ACACA: variants seen among roughly 807,000 people sequenced by gnomAD.
The protein encoded by ACACA is acetyl-CoA carboxylase alpha, also known as acetyl-CoA carboxylase 1.
ACACA carries 103 observed loss-of-function variants against 296.1 expected under a neutral mutation model. That is an observed-to-expected ratio of 0.35 (90% confidence interval 0.30 to 0.41). The LOEUF (loss-of-function observed/expected upper bound fraction) is 0.41. Among genes scored for constraint, ACACA ranks in the 10% least tolerant of loss-of-function variants. The probability of loss-of-function intolerance (pLI) is 1.00; values close to 1 mark genes in which losing one functional copy is unlikely to be tolerated. For synonymous variants in ACACA, 953 were observed against 1,038.6 expected (o/e 0.92, Z 1.58); for missense variants, 1,554 against 2,989.7 (o/e 0.52, Z 11.20).
At chr17:37,178,827 A>G (rs772044551) in intron 41 of ACACA, among the ~76,000 whole-genome samples, 7 of 152,108 alleles carry the variant, frequency 4.6e-5, no homozygotes, top group Non-Finnish European at 7.4e-5. Flanking sequence ...AAAAAAGAAA[A>G]TCCCCAAATT....
At position 37,252,028 on chromosome 17, in the gene ACACA, A is replaced by G; in HGVS notation, c.2058T>C (p.Ser686=). 6.2e-7 allele frequency: 1 copy of G among 1,614,172 alleles called. No individual in the cohort carries two copies. The highest frequency in any genetic ancestry group is 8.5e-7 in the Non-Finnish European group (1 of 1,179,978). Residue 686 remains serine, a synonymous_variant, in exon 16 of 56, where the codon TCT becomes TCC. Coordinates refer to ENST00000616317, the MANE Select transcript of ACACA (RefSeq NM_198834.3). ...ACCTTTCTAAGGAGTGAAGGAAGTT[A>G]GAGACGCTATTCCGCAGGCTCACAT... ...VADVSLRNSV[S]NFLHSLERGQ...
Position 37,399,947 on chromosome 17 carries a change from TACA to T in ACACA, c.38+6312_38+6314del, listed in dbSNP as rs543322221. 1.8e-4 allele frequency among the ~76,000 whole-genome samples: 27 copies of T among 152,278 alleles called. 1 individual carries two copies. In the South Asian group the frequency reaches 5.2e-3, roughly 29 times the overall value. On this transcript the variant is annotated intron_variant, in intron 1 of 55. Transcript: ENST00000616317. ...ATAAAAATTGTGTATATTCATGATG[TACA>T]ACATGTGTTGATAGATGTACTCATT...
intron 25 of ACACA, among the ~76,000 whole-genome samples, chr17:37,230,862 T>C (rs1440579075): frequency 6.6e-6 from 1 of 152,230 alleles, no homozygotes; most frequent in Non-Finnish European, 1.5e-5. Flanking sequence ...AACCTGCTGA[T>C]TTTGGGATTA....
At chr17:37,248,534 C>A (rs1319731872) in intron 17 of ACACA, 59 bp downstream of exon 17, 9 of 1,318,716 alleles carry the variant, frequency 6.8e-6, no homozygotes, top group Non-Finnish European at 9.9e-6. Flanking sequence ...TCCTGCCTCT[C>A]AACCTAAAGA....
intron 5 of ACACA, among the ~76,000 whole-genome samples, chr17:37,280,541 A>T (rs2082465635): frequency 6.6e-6 from 1 of 152,116 alleles, no homozygotes; most frequent in African/African-American, 2.4e-5. Context: ...ATAATCTCTT[A>T]ATCTTAAGGT....
chr17:37,107,134 C>T (rs2073734890), intron 52 of ACACA, among the ~76,000 whole-genome samples: 1 of 152,194 alleles, frequency 6.6e-6, no homozygotes, highest in South Asian at 2.1e-4. Context: ...GCCATAGTGT[C>T]AGTGAGGACA....
At chr17:37,276,147 T>G (rs188443393) in intron 7 of ACACA, 98 bp from the exon 8 acceptor site, 1 of 881,590 alleles carries the variant, frequency 1.1e-6, no homozygotes, top group South Asian at 1.3e-5. Flanking sequence ...TGTATTTGTC[T>G]TGTCCTCCCC....
chr17:37,266,508 A>T (rs1285694515), intron 10 of ACACA, among the ~76,000 whole-genome samples: 1 of 151,628 alleles, frequency 6.6e-6, no homozygotes, highest in South Asian at 2.1e-4. Flanking sequence ...TTTCTAGCTG[A>T]AAGGGTAATT....
intron 31 of ACACA, 109 bp downstream of exon 31, chr17:37,207,548 T>C (rs1487757451): frequency 6.0e-6 from 8 of 1,335,778 alleles, no homozygotes; most frequent in South Asian, 2.5e-5. Context: ...TCTTTTTAGC[T>C]GGCTCATGGC....
intron 44 of ACACA, among the ~76,000 whole-genome samples, chr17:37,150,579 C>A (rs1238082677): frequency 6.6e-6 from 1 of 151,592 alleles, no homozygotes; most frequent in Non-Finnish European, 1.5e-5. Flanking sequence ...ATAGTGAGAC[C>A]CCCATCACTA....
chr17:37,234,883 G>GC lies in ACACA; in HGVS notation c.3246+91_3246+92insG, dbSNP rs1555609565. ...CATCCCATAATTATAAAAGGCAGTA[G>GC]TTTTTTTTCTCTGGCCATAGCCATC... On this transcript the variant is annotated intron_variant, in intron 25 of 55. Transcript: ENST00000616317. The GC allele has an allele frequency of 1.4e-5, 20 of 1,425,972 alleles. No homozygotes were observed. The Admixed American group carries it at 2.6e-4, about 19-fold the overall frequency. 88.3% of individuals were successfully genotyped at this position (1,425,972 alleles called of 1,614,324 possible).
chr17:37,405,847 CG>C (rs977322292), intron 1 of ACACA, among the ~76,000 whole-genome samples: 2 of 126,620 alleles, frequency 1.6e-5, no homozygotes, highest in Non-Finnish European at 3.2e-5. Context: ...CCACCGCGCC[CG>C]GCAGGGCTTT....
At chr17:37,100,365 G>C (rs960653776) in intron 52 of ACACA, among the ~76,000 whole-genome samples, 2 of 152,062 alleles carry the variant, frequency 1.3e-5, no homozygotes, top group Non-Finnish European at 2.9e-5. Flanking sequence ...ATCACCAAGA[G>C]GACAGACTGA....
At chr17:37,386,012 T>A (rs1597772318) in intron 1 of ACACA, 2 of 1,580,170 alleles carry the variant, frequency 1.3e-6, no homozygotes, top group Non-Finnish European at 1.7e-6. Context: ...TTTATAGCTT[T>A]TTTACCAGGG....
chr17:37,118,788 G>A (rs1369105444), intron 50 of ACACA, among the ~76,000 whole-genome samples: 2 of 152,192 alleles, frequency 1.3e-5, no homozygotes. Flanking sequence ...TGCTTGTTGT[G>A]ATGATTATGT....
chr17:37,379,053 CAG>C (rs2050129178), intron 1 of ACACA: 2 of 1,449,132 alleles, frequency 1.4e-6, no homozygotes, highest in South Asian at 2.9e-5. Context: ...GCTTGGGTGA[CAG>C]AGCAAGGCAC....
At chr17:37,296,771 C>T (rs1211761628) in intron 3 of ACACA, among the ~76,000 whole-genome samples, 1 of 151,998 alleles carries the variant, frequency 6.6e-6, no homozygotes, top group Non-Finnish European at 1.5e-5. Context: ...GGCTGGAGTA[C>T]AGTAGCACAA....
At chr17:37,154,892 C>CAA (rs1333842675) in intron 43 of ACACA, among the ~76,000 whole-genome samples, 7 of 152,260 alleles carry the variant, frequency 4.6e-5, no homozygotes, top group African/African-American at 1.7e-4. Context: ...TAACAATTGC[C>CAA]ATTTTTATTC....
intron 29 of ACACA, among the ~76,000 whole-genome samples, chr17:37,215,964 G>C (rs1307229878): frequency 6.6e-6 from 1 of 151,726 alleles, no homozygotes; most frequent in East Asian, 1.9e-4. Flanking sequence ...CCTTAGTATA[G>C]ACTAGTTGCC....
Sources: allele counts gnomAD v4.1 joint callset (sites outside exome capture counted in the v4.1 genomes callset), GRCh38; gene constraint gnomAD v4.1.1; transcripts MANE v1.5; gene names NCBI Gene and HGNC (gene_info 2026-07-23, HGNC 2026-07-21).